The following MAMDC2 variants were observed in gnomAD, a reference collection of about 807,000 sequenced individuals.
The protein encoded by MAMDC2 is MAM domain containing 2, also known as MAM domain-containing protein 2.
Under a neutral mutation model 89.8 loss-of-function variants are expected in MAMDC2, and 57 were observed. That is an observed-to-expected ratio of 0.63 (90% CI 0.51 to 0.79). The LOEUF is 0.79. Among genes scored for constraint, MAMDC2 ranks in the 30% least tolerant of loss-of-function variants. MAMDC2 has a pLI of 0.00. For synonymous variants in MAMDC2, 313 were observed against 293.4 expected (o/e 1.07, Z -0.68); for missense variants, 800 against 820.6 (o/e 0.97, Z 0.31).
Position 70,147,064 on chromosome 9 carries a change from T to C in MAMDC2, c.1404+3245T>C, listed in dbSNP as rs148175208. 3.1e-4 allele frequency among the ~76,000 whole-genome samples: 47 copies of C among 150,162 alleles called. 2 individuals carry two copies. The East Asian group carries it at 8.0e-3, about 25-fold the overall frequency. On this transcript the variant is annotated intron_variant, in intron 9 of 13. Transcript: ENST00000377182. ...TGTGGTCAGGAGTTCGAGACCAGCC[T>C]GGCCAACATGGTGAAACCCCATCTC... is the stretch of plus-strand genomic sequence containing the variant.
At chr9:70,102,652 A>G (rs557130961) in intron 2 of MAMDC2, among the ~76,000 whole-genome samples, 57 of 152,306 alleles carry the variant, frequency 3.7e-4, no homozygotes, top group African/African-American at 1.3e-3. Flanking sequence ...TGGAGTCTGT[A>G]CTTTTTGGCA....
At chr9:70,136,928 T>C (rs1204296750) in intron 7 of MAMDC2, among the ~76,000 whole-genome samples, 2 of 152,164 alleles carry the variant, frequency 1.3e-5, no homozygotes, top group African/African-American at 2.4e-5. Context: ...CTTAAAGATA[T>C]ACCCTGGTGC....
chr9:70,209,416 A>G (rs531670286), intron 11 of MAMDC2, among the ~76,000 whole-genome samples: 4 of 152,204 alleles, frequency 2.6e-5, no homozygotes, highest in East Asian at 1.9e-4. Context: ...GTTTATTTTC[A>G]TAGAGGTGTT....
chr9:70,116,039 G>T (rs757670223), intron 5 of MAMDC2, among the ~76,000 whole-genome samples: 6 of 152,212 alleles, frequency 3.9e-5, no homozygotes, highest in Non-Finnish European at 8.8e-5. Flanking sequence ...GCATCAAAAT[G>T]ACGATTATTT....
intron 2 of MAMDC2, among the ~76,000 whole-genome samples, chr9:70,098,118 G>A (rs1205688263): frequency 1.3e-5 from 2 of 152,196 alleles, no homozygotes; most frequent in Non-Finnish European, 2.9e-5. Flanking sequence ...TTCATGACAT[G>A]TACACATTGC....
intron 7 of MAMDC2, among the ~76,000 whole-genome samples, chr9:70,138,118 A>C (rs1281107516): frequency 2.0e-5 from 3 of 152,202 alleles, no homozygotes; most frequent in Non-Finnish European, 4.4e-5. Context: ...CAGTGTGTAC[A>C]CATTATTTAG....
chr9:70,048,142 C>T (rs1826802256), intron 2 of MAMDC2, among the ~76,000 whole-genome samples: 1 of 152,196 alleles, frequency 6.6e-6, no homozygotes. Flanking sequence ...TGATCTCCCT[C>T]TATTCTTTTT....
chr9:70,178,003 T>C (rs1047655851), intron 11 of MAMDC2, among the ~76,000 whole-genome samples: 5 of 152,208 alleles, frequency 3.3e-5, no homozygotes, highest in Non-Finnish European at 5.9e-5. Flanking sequence ...TATAACAATG[T>C]TGTCAGTGTA....
intron 11 of MAMDC2, among the ~76,000 whole-genome samples, chr9:70,211,014 G>A (rs1480306704): frequency 6.6e-6 from 1 of 152,116 alleles, no homozygotes; most frequent in East Asian, 1.9e-4. Flanking sequence ...TAGTTTGATG[G>A]GCTTCCCTTT....
At chr9:70,221,155 T>C (rs1339927155) in intron 12 of MAMDC2, among the ~76,000 whole-genome samples, 1 of 151,062 alleles carries the variant, frequency 6.6e-6, no homozygotes, top group Non-Finnish European at 1.5e-5. Flanking sequence ...ATAAAGTTCT[T>C]ATTTGTTTGG....
chr9:70,196,953 TA>T (rs749324045), intron 11 of MAMDC2, among the ~76,000 whole-genome samples: 1 of 151,458 alleles, frequency 6.6e-6, no homozygotes, highest in African/African-American at 2.4e-5. Flanking sequence ...ATCCCAGAAA[TA>T]AAAAAAAATT....
chr9:70,092,663 T>C (rs1231661235), intron 2 of MAMDC2: 3 of 152,312 alleles, frequency 2.0e-5, no homozygotes, highest in East Asian at 3.9e-4. Context: ...AAAATTGCCC[T>C]GGACAACAAA....
intron 11 of MAMDC2, among the ~76,000 whole-genome samples, chr9:70,208,783 C>T (rs1254169410): frequency 6.6e-6 from 1 of 151,196 alleles, no homozygotes; most frequent in Non-Finnish European, 1.5e-5. Context: ...TCATAGATAG[C>T]TATTATTTTG....
intron 11 of MAMDC2, among the ~76,000 whole-genome samples, chr9:70,195,245 A>AAACC (rs2032955188): frequency 6.6e-6 from 1 of 152,108 alleles, no homozygotes; most frequent in Non-Finnish European, 1.5e-5. Context: ...ACCAAAAAGC[A>AAACC]AACCAACCAA....
In MAMDC2 at chr9:70,043,913, A is replaced by G; in HGVS notation, c.-285A>G. 1.8e-6 allele frequency: 1 copy of G among 565,580 alleles called. No individual in the cohort carries two copies. The highest frequency in any genetic ancestry group is 3.2e-6 in the Non-Finnish European group (1 of 316,690). The allele number at this position is 565,580 out of a possible 1,614,324, so 35.0% of individuals were successfully genotyped here. A position where few individuals can be genotyped will look rare whatever the true frequency, so the allele number is the denominator to read the frequency against. On this transcript the variant is annotated 5_prime_UTR_variant, in exon 1 of 14. Transcript: ENST00000377182. Reference sequence around the variant, plus strand: ...GTGTGCAGTTGTCTCCTCCCTGTCCAGCCCCATCGTCGCCCAGGACCAGCT... The same window carrying G: ...GTGTGCAGTTGTCTCCTCCCTGTCCGGCCCCATCGTCGCCCAGGACCAGCT...
chr9:70,090,426 G>A (rs1827867794), intron 2 of MAMDC2, among the ~76,000 whole-genome samples: 3 of 150,766 alleles, frequency 2.0e-5, no homozygotes, highest in Admixed American at 1.3e-4. Context: ...CAGGGCTGCA[G>A]TGGGTCATGA....
rs776157260 is a variant in MAMDC2 at position 70,206,629 on chromosome 9, C to CT, written c.1652-11701dup. ...GTTTCATATTTTTTTTGGTATATATCTTTTTTTATTATTATTATACTTTAA... is the reference window on the plus strand; with the variant it reads ...GTTTCATATTTTTTTTGGTATATATCTTTTTTTTATTATTATTATACTTTAA... On this transcript the variant is annotated intron_variant, in intron 11 of 13. Transcript: ENST00000377182. 8.0e-4 allele frequency among the ~76,000 whole-genome samples: 121 copies of CT among 152,022 alleles called. 2 individuals are homozygous for CT. Among genetic ancestry groups the CT allele is most frequent in the Admixed American group, 7.4e-3 (113 of 15,270 alleles).
At chr9:70,048,833 G>T (rs1467105047) in intron 2 of MAMDC2, among the ~76,000 whole-genome samples, 1 of 152,132 alleles carries the variant, frequency 6.6e-6, no homozygotes, top group Non-Finnish European at 1.5e-5. Context: ...CAATTCAAAA[G>T]AATCATTGAG....
chr9:70,217,448 C>CAT, intron 11 of MAMDC2: 1 of 1,353,718 alleles, frequency 7.4e-7, no homozygotes, highest in Non-Finnish European at 1.1e-6. Flanking sequence ...ATTACTGGTG[C>CAT]ATCTCTTGCT....
Sources: allele counts gnomAD v4.1 joint callset (sites outside exome capture counted in the v4.1 genomes callset), GRCh38; gene constraint gnomAD v4.1.1; transcripts MANE v1.5; gene names NCBI Gene and HGNC (gene_info 2026-07-23, HGNC 2026-07-21).